CFAP299: variants seen among roughly 807,000 people sequenced by gnomAD.
The protein encoded by CFAP299 is cilia- and flagella-associated protein 299.
CFAP299 carries 21 observed loss-of-function variants against 27.0 expected under a neutral mutation model. The ratio of observed to expected loss-of-function variants is 0.78; its 90% CI spans 0.55 to 1.12. The LOEUF is 1.12. Among genes scored for constraint, CFAP299 ranks in the 50% most tolerant of loss-of-function variants. The pLI is 0.00. For missense variants in CFAP299, 310 were observed against 276.6 expected (o/e 1.12, Z -0.86); for synonymous variants, 104 against 98.1 (o/e 1.06, Z -0.36).
intron 3 of CFAP299, among the ~76,000 whole-genome samples, chr4:80,746,786 A>T (rs189471302): frequency 6.4e-4 from 98 of 152,188 alleles, no homozygotes; most frequent in African/African-American, 2.3e-3. Context: ...ATAGTAAGAG[A>T]TATTATATAA....
intron 3 of CFAP299, among the ~76,000 whole-genome samples, chr4:80,848,921 G>A (rs1172571119): frequency 1.3e-5 from 2 of 152,100 alleles, no homozygotes; most frequent in African/African-American, 4.8e-5. Flanking sequence ...TGAAGGCCTA[G>A]GACATTACTG....
intron 3 of CFAP299, among the ~76,000 whole-genome samples, chr4:80,791,758 A>G (rs1727582160): frequency 6.6e-6 from 1 of 151,994 alleles, no homozygotes; most frequent in Non-Finnish European, 1.5e-5. Context: ...TTTTACCTGA[A>G]GAAATGATCA....
At chr4:80,742,010 C>T (rs1474581501) in intron 3 of CFAP299, among the ~76,000 whole-genome samples, 1 of 152,134 alleles carries the variant, frequency 6.6e-6, no homozygotes, top group Non-Finnish European at 1.5e-5. Context: ...ATTTGCTGTG[C>T]TCTCCATCCC....
Position 80,643,549 on chromosome 4 carries a change from G to T in CFAP299, c.333+60366G>T, listed in dbSNP as rs562895776. ...AAGAATGATGATGAAGTAGTCAGGA[G>T]AATTTCTAGAGTAATATCTTTGAGT... On this transcript the variant is annotated intron_variant, in intron 3 of 5. Transcript: ENST00000358105. 5.9e-5 allele frequency among the ~76,000 whole-genome samples: 9 copies of T among 152,284 alleles called. No individual in the cohort carries two copies. In the South Asian group the frequency reaches 1.5e-3, roughly 25 times the overall value.
chr4:80,432,110 A>G (rs1727845197), intron 2 of CFAP299, among the ~76,000 whole-genome samples: 1 of 152,224 alleles, frequency 6.6e-6, no homozygotes, highest in Non-Finnish European at 1.5e-5. Flanking sequence ...AATGGAAACT[A>G]TTTTATGATT....
chr4:80,337,905 T>G (rs1722234034), intron 1 of CFAP299, among the ~76,000 whole-genome samples: 1 of 152,146 alleles, frequency 6.6e-6, no homozygotes, highest in Admixed American at 6.5e-5. Context: ...TTGGATTGAT[T>G]AGTGACAACT....
intron 2 of CFAP299, among the ~76,000 whole-genome samples, chr4:80,435,209 C>A (rs1445123403): frequency 6.6e-6 from 1 of 152,092 alleles, no homozygotes; most frequent in Middle Eastern, 3.2e-3. Flanking sequence ...CAATGCCCTG[C>A]CAGATTTGGG....
At chr4:80,910,472 C>G (rs1439062304) in intron 4 of CFAP299, among the ~76,000 whole-genome samples, 1 of 152,092 alleles carries the variant, frequency 6.6e-6, no homozygotes, top group African/African-American at 2.4e-5. Flanking sequence ...TACATATATA[C>G]CATGGAATAC....
intron 4 of CFAP299, among the ~76,000 whole-genome samples, chr4:80,883,351 A>T (rs916443680): frequency 6.6e-6 from 1 of 152,150 alleles, no homozygotes; most frequent in Non-Finnish European, 1.5e-5. Flanking sequence ...GAAATCATAA[A>T]GAAAAACAGC....
At position 80,935,876 on chromosome 4, in the gene CFAP299, A is replaced by T. The variant is rs1366339585; in HGVS notation, c.477-8934A>T. 2.2e-4 allele frequency among the ~76,000 whole-genome samples: 34 copies of T among 152,134 alleles called. 1 individual carries two copies. The highest frequency in any genetic ancestry group is 1.5e-5 in the Non-Finnish European group (1 of 68,012). On this transcript the variant is annotated intron_variant, in intron 4 of 5. Coordinates refer to ENST00000358105, the MANE Select transcript of CFAP299 (RefSeq NM_152770.3). ...CTTAAATTTACAAGAAAAAACAAAC[A>T]ACCCCCTTAAAAAGTGGGTAAAGTA...
At chr4:80,895,332 A>T (rs948944046) in intron 4 of CFAP299, among the ~76,000 whole-genome samples, 1 of 151,414 alleles carries the variant, frequency 6.6e-6, no homozygotes, top group Non-Finnish European at 1.5e-5. Flanking sequence ...TATGCCTCAA[A>T]AACTAAAATG....
intron 2 of CFAP299, among the ~76,000 whole-genome samples, chr4:80,467,026 G>A (rs1729738388): frequency 1.3e-5 from 2 of 152,196 alleles, no homozygotes; most frequent in Non-Finnish European, 2.9e-5. Context: ...GAAGGCTATG[G>A]AGCTATGGTC....
chr4:80,866,274 A>T (rs1382905606), intron 3 of CFAP299, among the ~76,000 whole-genome samples: 2 of 151,590 alleles, frequency 1.3e-5, no homozygotes, highest in Non-Finnish European at 2.9e-5. Flanking sequence ...TTGAAAATTT[A>T]AAAAAATCAT....
chr4:80,858,583 C>T (rs1364810303), intron 3 of CFAP299, among the ~76,000 whole-genome samples: 5 of 152,058 alleles, frequency 3.3e-5, no homozygotes, highest in East Asian at 1.9e-4. Flanking sequence ...GCTTTGAATG[C>T]GTCCCAGGGA....
At chr4:80,610,014 A>G (rs988481385) in intron 3 of CFAP299, among the ~76,000 whole-genome samples, 11 of 152,132 alleles carry the variant, frequency 7.2e-5, no homozygotes, top group African/African-American at 2.7e-4. Flanking sequence ...ATGTTTTTAA[A>G]GACTTTTAAA....
chr4:80,648,730 T>C (rs1243541023), intron 3 of CFAP299, among the ~76,000 whole-genome samples: 1 of 152,176 alleles, frequency 6.6e-6, no homozygotes, highest in Admixed American at 6.6e-5. Context: ...TTTGAATATC[T>C]TTCACAACAG....
intron 4 of CFAP299, among the ~76,000 whole-genome samples, chr4:80,890,519 A>G (rs1434700449): frequency 1.3e-5 from 2 of 152,040 alleles, no homozygotes; most frequent in East Asian, 3.9e-4. Flanking sequence ...CGCAATAAAC[A>G]TACGTGTGCA....
At chr4:80,853,481 A>G (rs1470892958) in intron 3 of CFAP299, among the ~76,000 whole-genome samples, 1 of 152,210 alleles carries the variant, frequency 6.6e-6, no homozygotes, top group Non-Finnish European at 1.5e-5. Flanking sequence ...TTTCTAGAGG[A>G]GTGAAATTTT....
rs555111049 is a variant in CFAP299 at position 80,861,120 on chromosome 4, G to A, written c.334-8873G>A. ...TAAGCAAGCCTGGACAATGGCGGGC[G>A]CCCCTCCCCCAGCCTCGCTGCCACC... On this transcript the variant is annotated intron_variant, in intron 3 of 5. Coordinates refer to ENST00000358105, the MANE Select transcript of CFAP299 (RefSeq NM_152770.3). Among the ~76,000 whole-genome samples the A allele has an allele frequency of 6.2e-3, 941 of 152,262 alleles. 8 individuals carry two copies. Among genetic ancestry groups the A allele is most frequent in the Non-Finnish European group, 6.1e-3 (417 of 68,012 alleles).
Sources: allele counts gnomAD v4.1 joint callset (sites outside exome capture counted in the v4.1 genomes callset), GRCh38; gene constraint gnomAD v4.1.1; transcripts MANE v1.5; gene names NCBI Gene and HGNC (gene_info 2026-07-23, HGNC 2026-07-21).